Variants in GABRG3 observed in about 807,000 individuals in gnomAD.
GABRG3 encodes the protein gamma-aminobutyric acid type A receptor subunit gamma3, also known as gamma-aminobutyric acid receptor subunit gamma-3.
Under a neutral mutation model 48.8 loss-of-function variants are expected in GABRG3, and 25 were observed. The observed-to-expected ratio is 0.51, with a 90% CI of 0.37 to 0.72. The LOEUF is 0.72. GABRG3 is among the 30% of genes least tolerant of loss of function. The pLI is 0.00. For synonymous variants in GABRG3, 227 were observed against 217.6 expected (o/e 1.04, Z -0.38); for missense variants, 394 against 577.9 (o/e 0.68, Z 3.26).
At chr15:27,498,077 C>T (rs1890530077) in intron 6 of GABRG3, among the ~76,000 whole-genome samples, 3 of 151,998 alleles carry the variant, frequency 2.0e-5, no homozygotes, top group Admixed American at 2.0e-4. Flanking sequence ...AGTCACTTTC[C>T]TTTTCTCTGA....
intron 5 of GABRG3, among the ~76,000 whole-genome samples, chr15:27,334,953 A>G (rs1411612580): frequency 2.0e-5 from 3 of 152,264 alleles, no homozygotes; most frequent in Non-Finnish European, 4.4e-5. Flanking sequence ...TTGAAAAGGC[A>G]AATTAGGCTG....
chr15:27,512,701 G>T (rs1440751374), intron 6 of GABRG3, among the ~76,000 whole-genome samples: 2 of 152,218 alleles, frequency 1.3e-5, no homozygotes, highest in African/African-American at 4.8e-5. Flanking sequence ...TATGGAGGTT[G>T]TGGAGAAGAA....
chr15:27,053,145 A>G (rs1896483426), intron 3 of GABRG3, among the ~76,000 whole-genome samples: 2 of 152,206 alleles, frequency 1.3e-5, no homozygotes, highest in South Asian at 4.1e-4. Flanking sequence ...ATTGCAACAA[A>G]AACAAAAATT....
rs898253676 is a variant in GABRG3, at chr15:27,049,395, T to G, written c.270+22574T>G. Among the ~76,000 whole-genome samples, 3 of 152,218 alleles carry G rather than the reference T, an allele frequency of 2.0e-5. No homozygotes were observed. In the East Asian group the frequency reaches 5.8e-4, roughly 29 times the overall value. On this transcript the variant is annotated intron_variant, in intron 3 of 9. Transcript: ENST00000615808. ...ATCTTCCTGGAGCACCTGCTAGCTG[T>G]CTGTGCTTCACACTGTTTGTATTAG...
chr15:27,388,267 G>A lies in GABRG3; in HGVS notation c.574+59379G>A, dbSNP rs112045704. On this transcript the variant is annotated intron_variant, in intron 5 of 9. Transcript: ENST00000615808. ...GAGGAAAGGAAGGAAGGAAAGGAGGGAGGGAGGGTAAGGAAGGAAGGAAGA... is the reference window on the plus strand; with the variant it reads ...GAGGAAAGGAAGGAAGGAAAGGAGGAAGGGAGGGTAAGGAAGGAAGGAAGA... 2.8e-4 allele frequency among the ~76,000 whole-genome samples: 16 copies of A among 57,098 alleles called. 1 individual carries two copies. Among genetic ancestry groups the A allele is most frequent in the Admixed American group, 5.4e-4 (3 of 5,524 alleles). 37.5% of individuals were successfully genotyped at this position (57,098 alleles called of 152,430 possible).
At chr15:27,034,875 G>A (rs1896149195) in intron 3 of GABRG3, among the ~76,000 whole-genome samples, 1 of 152,168 alleles carries the variant, frequency 6.6e-6, no homozygotes, top group Admixed American at 6.5e-5. Context: ...GTACACTACT[G>A]TCTTCAGTTC....
chr15:27,011,240 G>C (rs1463813735), intron 2 of GABRG3, among the ~76,000 whole-genome samples: 1 of 152,036 alleles, frequency 6.6e-6, no homozygotes, highest in African/African-American at 2.4e-5. Flanking sequence ...AACTCTCTTA[G>C]GACTTTCAGA....
intron 6 of GABRG3, among the ~76,000 whole-genome samples, chr15:27,493,473 G>T (rs1187945696): frequency 3.3e-5 from 5 of 152,096 alleles, no homozygotes; most frequent in Non-Finnish European, 7.4e-5. Context: ...TTGTACGATT[G>T]ATGTTATTTT....
At chr15:27,273,701 C>A (rs911652801) in intron 3 of GABRG3, among the ~76,000 whole-genome samples, 1 of 152,180 alleles carries the variant, frequency 6.6e-6, no homozygotes, top group African/African-American at 2.4e-5. Context: ...TATATCAGTG[C>A]CTGGTGCAGT....
At chr15:27,156,828 A>G (rs1430894301) in intron 3 of GABRG3, among the ~76,000 whole-genome samples, 2 of 152,180 alleles carry the variant, frequency 1.3e-5, no homozygotes, top group African/African-American at 2.4e-5. Flanking sequence ...TTACAGATAG[A>G]ATTCGATGGT....
At chr15:27,378,017 C>T (rs1391329816) in intron 5 of GABRG3, among the ~76,000 whole-genome samples, 1 of 152,064 alleles carries the variant, frequency 6.6e-6, no homozygotes, top group African/African-American at 2.4e-5. Flanking sequence ...CCATTTAATA[C>T]ACTTTGAACT....
intron 3 of GABRG3, chr15:27,295,273 A>G (rs1891943252): frequency 6.6e-6 from 1 of 152,104 alleles, no homozygotes; most frequent in African/African-American, 2.4e-5. Context: ...TCCAGCTTGG[A>G]GTGGGAAAGT....
intron 3 of GABRG3, among the ~76,000 whole-genome samples, chr15:27,176,028 G>GAAAA (rs11415524): frequency 2.2e-5 from 3 of 135,426 alleles, no homozygotes; most frequent in Non-Finnish European, 4.7e-5. Flanking sequence ...AGTATGCTGG[G>GAAAA]AAAAAAAAAA....
chr15:27,466,668 T>G (rs143231934), intron 5 of GABRG3, among the ~76,000 whole-genome samples: 1 of 152,308 alleles, frequency 6.6e-6, no homozygotes, highest in Non-Finnish European at 1.5e-5. Flanking sequence ...CAGTGTAATT[T>G]TTCTCTGAGG....
At chr15:27,444,294 G>A (rs897989101) in intron 5 of GABRG3, among the ~76,000 whole-genome samples, 3 of 151,994 alleles carry the variant, frequency 2.0e-5, no homozygotes, top group Non-Finnish European at 4.4e-5. Context: ...AAATGATTGA[G>A]GATTTCTCTA....
chr15:27,386,960 C>T (rs1387909927), intron 5 of GABRG3, among the ~76,000 whole-genome samples: 1 of 152,166 alleles, frequency 6.6e-6, no homozygotes, highest in East Asian at 1.9e-4. Flanking sequence ...ATTTAAATAA[C>T]TTTCCATGTT....
intron 3 of GABRG3, among the ~76,000 whole-genome samples, chr15:27,134,198 CATGA>C (rs1167225057): frequency 6.6e-5 from 10 of 152,178 alleles, no homozygotes; most frequent in African/African-American, 2.4e-4. Context: ...TGGCTGTGAA[CATGA>C]TTGGCCTGAG....
intron 5 of GABRG3, among the ~76,000 whole-genome samples, chr15:27,405,739 G>C (rs1018467274): frequency 6.6e-6 from 1 of 151,932 alleles, no homozygotes; most frequent in Non-Finnish European, 1.5e-5. Flanking sequence ...GTTTTGAAGC[G>C]GCAACAGCCC....
intron 3 of GABRG3, among the ~76,000 whole-genome samples, chr15:27,233,490 C>T (rs1451655859): frequency 6.6e-6 from 1 of 152,064 alleles, no homozygotes; most frequent in African/African-American, 2.4e-5. Context: ...CTTGGTGAGG[C>T]CCCTCCAGGT....
Sources: gnomAD v4.1 joint callset for allele counts (sites outside exome capture counted in the v4.1 genomes callset) on GRCh38, gnomAD v4.1.1 for gene constraint, MANE v1.5 for transcripts, NCBI Gene and HGNC (gene_info 2026-07-23, HGNC 2026-07-21) for gene names.